RBFOX1: variants seen among roughly 807,000 people sequenced by gnomAD.
RBFOX1 encodes the protein RNA binding protein fox-1 homolog 1.
Under a neutral mutation model 57.7 loss-of-function variants are expected in RBFOX1, and 8 were observed. That is an observed-to-expected ratio of 0.14 (90% confidence interval 0.08 to 0.25). RBFOX1 has a LOEUF of 0.25. Ranked by LOEUF, RBFOX1 falls within the 10% of genes least tolerant of loss-of-function variation. The probability of loss-of-function intolerance (pLI) is 1.00; values close to 1 mark genes in which losing one functional copy is unlikely to be tolerated. For missense variants in RBFOX1, 611 were observed against 548.5 expected (o/e 1.11, Z -1.14); for synonymous variants, 326 against 222.4 (o/e 1.47, Z -4.15).
intron 2 of RBFOX1, among the ~76,000 whole-genome samples, chr16:5,537,165 C>T (rs1281817237): frequency 6.6e-6 from 1 of 152,122 alleles, no homozygotes; most frequent in Admixed American, 6.5e-5. Context: ...ATCTTACTTC[C>T]TTCTGAGCCC....
chr16:5,309,088 G>A (rs768573701), intron 1 of RBFOX1, among the ~76,000 whole-genome samples: 15 of 152,210 alleles, frequency 9.9e-5, no homozygotes, highest in East Asian at 7.7e-4. Flanking sequence ...CCACGAATTT[G>A]TTAAAATCTG....
intron 4 of RBFOX1, among the ~76,000 whole-genome samples, chr16:7,401,293 T>G (rs749747132): frequency 6.6e-5 from 10 of 152,358 alleles, no homozygotes; most frequent in South Asian, 2.1e-4. Flanking sequence ...GTGAAGCTTT[T>G]CATATTTTAA....
intron 4 of RBFOX1, among the ~76,000 whole-genome samples, chr16:7,061,612 C>T (rs1488124836): frequency 6.6e-6 from 1 of 152,164 alleles, no homozygotes; most frequent in South Asian, 2.1e-4. Context: ...GCCTAATATT[C>T]ATTCTCCCTT....
At position 7,615,395 on chromosome 16, in the gene RBFOX1, C is replaced by T. The variant is rs140565123; in HGVS notation, c.676+8057C>T. On this transcript the variant is annotated intron_variant, in intron 10 of 15. Transcript: ENST00000550418. ...CATTTGCATTTAATATTGTCTGCCA[C>T]ATGCCAGAGTTCATGTTGAGAACTT... Among the ~76,000 whole-genome samples, 6 of 152,240 alleles carry T rather than the reference C, an allele frequency of 3.9e-5. No individual in the cohort carries two copies. The East Asian group carries it at 7.7e-4, about 20-fold the overall frequency.
chr16:5,759,985 G>A (rs2053537228), intron 3 of RBFOX1, among the ~76,000 whole-genome samples: 1 of 149,712 alleles, frequency 6.7e-6, no homozygotes, highest in Admixed American at 6.8e-5. Context: ...CTTGTAGATG[G>A]CTATAAATAT....
At chr16:6,873,329 A>G (rs889347816) in intron 3 of RBFOX1, among the ~76,000 whole-genome samples, 1 of 152,174 alleles carries the variant, frequency 6.6e-6, no homozygotes, top group Non-Finnish European at 1.5e-5. Flanking sequence ...GGAGGGGGAA[A>G]AAGAGTGCAA....
chr16:7,062,994 A>C (rs941632881), intron 4 of RBFOX1, among the ~76,000 whole-genome samples: 7 of 140,638 alleles, frequency 5.0e-5, no homozygotes, highest in African/African-American at 1.9e-4. Flanking sequence ...ACACTGGGGA[A>C]ATGTGCTAAA....
chr16:7,180,903 T>G (rs2082571292), intron 4 of RBFOX1, among the ~76,000 whole-genome samples: 1 of 152,134 alleles, frequency 6.6e-6, no homozygotes, highest in Non-Finnish European at 1.5e-5. Context: ...CTGCAGAGGG[T>G]CAGATAATAA....
intron 3 of RBFOX1, among the ~76,000 whole-genome samples, chr16:6,713,645 C>G (rs1406561498): frequency 2.6e-5 from 4 of 152,160 alleles, no homozygotes; most frequent in Non-Finnish European, 5.9e-5. Flanking sequence ...CAGCTTCAAA[C>G]AAAATTGAAG....
At chr16:5,485,467 C>A (rs963079483) in intron 2 of RBFOX1, among the ~76,000 whole-genome samples, 1 of 151,470 alleles carries the variant, frequency 6.6e-6, no homozygotes, top group Non-Finnish European at 1.5e-5. Context: ...TTACCTACCA[C>A]AATTAGATAA....
At chr16:7,484,075 G>A (rs1435607354) in intron 4 of RBFOX1, among the ~76,000 whole-genome samples, 18 of 152,082 alleles carry the variant, frequency 1.2e-4, no homozygotes, top group Admixed American at 1.2e-3. Context: ...CATAATAAAT[G>A]GAATCATACT....
At chr16:6,555,053 A>G (rs974814221) in intron 2 of RBFOX1, among the ~76,000 whole-genome samples, 2 of 152,190 alleles carry the variant, frequency 1.3e-5, no homozygotes, top group Non-Finnish European at 2.9e-5. Context: ...GGCCCAGAAT[A>G]TTATGCTAGA....
At chr16:7,362,286 T>A (rs531391780) in intron 4 of RBFOX1, among the ~76,000 whole-genome samples, 40 of 123,722 alleles carry the variant, frequency 3.2e-4, no homozygotes, top group Non-Finnish European at 4.1e-4. Context: ...TATGTTAGTA[T>A]GTGTATGTTT....
chr16:5,509,052 T>C (rs1380718730), intron 2 of RBFOX1, among the ~76,000 whole-genome samples: 2 of 152,228 alleles, frequency 1.3e-5, no homozygotes, highest in Non-Finnish European at 2.9e-5. Flanking sequence ...TGTTGGACAC[T>C]AGCTGTGTCT....
intron 2 of RBFOX1, among the ~76,000 whole-genome samples, chr16:5,550,253 A>G (rs1042916814): frequency 3.3e-5 from 5 of 152,196 alleles, no homozygotes; most frequent in African/African-American, 9.6e-5. Flanking sequence ...TAGGATCTCA[A>G]GAGCACCCAA....
At chr16:6,304,341 G>GT (rs969560525) in intron 1 of RBFOX1, among the ~76,000 whole-genome samples, 4 of 152,040 alleles carry the variant, frequency 2.6e-5, no homozygotes, top group African/African-American at 7.2e-5. Flanking sequence ...CCAATGATGT[G>GT]TTTTTTTATC....
chr16:7,643,792 A>G (rs1438212060), intron 11 of RBFOX1, among the ~76,000 whole-genome samples: 2 of 152,068 alleles, frequency 1.3e-5, no homozygotes, highest in African/African-American at 4.8e-5. Context: ...CAATTAGCAG[A>G]AAAGGAACAG....
At chr16:6,042,287 G>GA (rs1452530212) in intron 1 of RBFOX1, among the ~76,000 whole-genome samples, 2 of 151,930 alleles carry the variant, frequency 1.3e-5, no homozygotes, top group African/African-American at 2.4e-5. Context: ...TTTTAGTAGA[G>GA]ACAGGGTTTC....
At chr16:7,344,044 A>G (rs1003337381) in intron 4 of RBFOX1, among the ~76,000 whole-genome samples, 2 of 150,430 alleles carry the variant, frequency 1.3e-5, no homozygotes, top group African/African-American at 4.9e-5. Context: ...AATACCTTCT[A>G]CTGGCTAAGA....
Sources: gnomAD v4.1 joint callset for allele counts (sites outside exome capture counted in the v4.1 genomes callset) on GRCh38, gnomAD v4.1.1 for gene constraint, MANE v1.5 for transcripts, NCBI Gene and HGNC (gene_info 2026-07-23, HGNC 2026-07-21) for gene names.